The following EHMT1 variants were observed in gnomAD, a reference collection of about 807,000 sequenced individuals.
The protein encoded by EHMT1 is histone-lysine N-methyltransferase EHMT1.
A neutral mutation model predicts 147.2 loss-of-function variants in EHMT1; 15 were observed. That is an observed-to-expected ratio of 0.10 (90% CI 0.07 to 0.16). The LOEUF is 0.16. EHMT1 is among the 10% of genes least tolerant of loss of function. The pLI, the probability that EHMT1 is intolerant of heterozygous loss-of-function variation, is 1.00. For missense variants in EHMT1, 1,587 were observed against 1,772.4 expected, an observed-to-expected ratio of 0.90 and a Z score of 1.88; for synonymous variants, 795 against 709.6, an observed-to-expected ratio of 1.12 and a Z score of -1.91.
chr9:137,829,185 C>G (rs1437564792), intron 25 of EHMT1, among the ~76,000 whole-genome samples: 1 of 152,220 alleles, frequency 6.6e-6, no homozygotes, highest in East Asian at 1.9e-4. Flanking sequence ...ACAGGTTCTT[C>G]TCTGATGCCT....
rs148054400 is a variant in EHMT1 at position 137,739,180 on chromosome 9, G to A, written c.824-4191G>A. Among the ~76,000 whole-genome samples, 1,196 of 151,610 alleles carry A rather than the reference G, an allele frequency of 7.9e-3. 11 individuals are homozygous for A. Among genetic ancestry groups the A allele is most frequent in the Middle Eastern group, 0.02 (6 of 294 alleles). The stretch of plus-strand genomic sequence containing the variant: ...AGGTCAGGAGATCGAGACCATCCTG[G>A]CTAACACGGTGAAACCTCGTCTCTA... On this transcript the variant is annotated intron_variant, in intron 4 of 26. Coordinates refer to ENST00000460843, the MANE Select transcript of EHMT1 (RefSeq NM_024757.5).
intron 25 of EHMT1, among the ~76,000 whole-genome samples, chr9:137,830,392 C>G (rs1004858881): frequency 1.1e-4 from 16 of 152,126 alleles, no homozygotes; most frequent in African/African-American, 3.6e-4. Flanking sequence ...GCCATGGGCT[C>G]TTGACTCACT....
chr9:137,702,024 C>T (rs1225138494), intron 1 of EHMT1, among the ~76,000 whole-genome samples: 4 of 152,136 alleles, frequency 2.6e-5, no homozygotes, highest in East Asian at 1.9e-4. Context: ...GAACTTCTGA[C>T]CTCAGGTGAT....
chr9:137,743,076 G>A (rs1019575000), intron 4 of EHMT1: 64 of 404,146 alleles, frequency 1.6e-4, no homozygotes, highest in African/African-American at 1.3e-3. Flanking sequence ...TGCTACTGAT[G>A]ATTTGTGGCT....
At chr9:137,624,071 C>T in intron 1 of EHMT1, among the ~76,000 whole-genome samples, 1 of 149,570 alleles carries the variant, frequency 6.7e-6, no homozygotes, top group East Asian at 2.0e-4. Context: ...GCCATCTCGG[C>T]TTACTGCAAC....
At chr9:137,634,707 C>CTTTTTTT (rs200814810) in intron 1 of EHMT1, among the ~76,000 whole-genome samples, 1 of 123,492 alleles carries the variant, frequency 8.1e-6, no homozygotes, top group African/African-American at 3.0e-5. Context: ...TTTCTTCTTT[C>CTTTTTTT]TTTTTTTTTT....
In EHMT1 at chr9:137,818,212, G is replaced by T. The variant is rs182880581; in HGVS notation, c.3540+74G>T. 4.3e-4 allele frequency: 647 copies of T among 1,503,950 alleles called. 5 individuals are homozygous for T. In the African/African-American group the frequency reaches 7.9e-3, roughly 18 times the overall value. The allele number at this position is 1,503,950 out of a possible 1,614,324, so 93.2% of individuals were successfully genotyped here. ...AACCTGAATGTGTTTGTCCCAGTAG[G>T]GCTGGGATTCAGAAGAGAGCTCTTA... On this transcript the variant is annotated intron_variant, in intron 25 of 26. Coordinates refer to ENST00000460843, the MANE Select transcript of EHMT1 (RefSeq NM_024757.5).
chr9:137,782,501 G>T lies in EHMT1; in HGVS notation c.2382+104G>T, dbSNP rs549606133. On this transcript the variant is annotated intron_variant, in intron 15 of 26. Transcript: ENST00000460843. The surrounding 1 kb of genome is among the most constrained non-coding windows in gnomAD (Gnocchi z 5.7). ...GCGGTTCTTCCAGTGTAAGAGTTCC[G>T]TAGTGCTGTGAATCGGGCACAGAGT... is the stretch of plus-strand genomic sequence containing the variant. 1.3e-5 allele frequency: 14 copies of T among 1,087,614 alleles called. No homozygotes were observed. The highest frequency in any genetic ancestry group is 1.9e-5 in the Non-Finnish European group (14 of 742,906). The allele number at this position is 1,087,614 out of a possible 1,614,324, so 67.4% of individuals were successfully genotyped here.
intron 3 of EHMT1, among the ~76,000 whole-genome samples, chr9:137,718,786 T>C (rs1433486297): frequency 6.6e-6 from 1 of 151,020 alleles, no homozygotes; most frequent in Non-Finnish European, 1.5e-5. Flanking sequence ...GACGGAGTCT[T>C]GCTCTGTCAC....
At chr9:137,773,664 C>T (rs914438356) in intron 10 of EHMT1, among the ~76,000 whole-genome samples, 3 of 152,160 alleles carry the variant, frequency 2.0e-5, no homozygotes, top group African/African-American at 7.2e-5. Context: ...TTCATGTCTC[C>T]AAGTTGCTTG....
At chr9:137,738,199 A>C (rs12236269) in intron 4 of EHMT1, among the ~76,000 whole-genome samples, 38,365 of 150,856 alleles carry the variant, frequency 0.25, 5,621 homozygotes, top group Admixed American at 0.39. Flanking sequence ...GTCTCAAAAA[A>C]AACAACAACA....
intron 1 of EHMT1, chr9:137,685,419 A>G (rs1422496730): frequency 6.6e-6 from 1 of 152,246 alleles, no homozygotes; most frequent in Non-Finnish European, 1.5e-5. Flanking sequence ...CCCAGGTTGT[A>G]GCAGGTATCA....
At chr9:137,697,113 T>C in intron 1 of EHMT1, 1 of 397,670 alleles carries the variant, frequency 2.5e-6, no homozygotes, top group Non-Finnish European at 5.2e-6. Context: ...AAACCCTGTC[T>C]CTACTAAAAG....
chr9:137,679,348 G>A (rs1275958248), intron 1 of EHMT1, among the ~76,000 whole-genome samples: 2 of 152,140 alleles, frequency 1.3e-5, no homozygotes, highest in Admixed American at 6.5e-5. Context: ...CGGATCAGGG[G>A]ACTGCTGCGA....
At chr9:137,628,623 A>T (rs1367284107) in intron 1 of EHMT1, among the ~76,000 whole-genome samples, 1 of 152,178 alleles carries the variant, frequency 6.6e-6, no homozygotes, top group Admixed American at 6.5e-5. Flanking sequence ...ATTCTTCCGT[A>T]AACTAGAAGC....
intron 1 of EHMT1, among the ~76,000 whole-genome samples, chr9:137,649,021 C>T (rs573789680): frequency 1.3e-5 from 2 of 152,214 alleles, no homozygotes; most frequent in Admixed American, 6.5e-5. Context: ...GTTGTCGTAT[C>T]GTGCTTGAGC....
chr9:137,683,154 T>G (rs1942120655), intron 1 of EHMT1, among the ~76,000 whole-genome samples: 1 of 152,268 alleles, frequency 6.6e-6, no homozygotes, highest in Admixed American at 6.5e-5. Flanking sequence ...TTTAATAGAC[T>G]TTATTAAAAT....
intron 1 of EHMT1, among the ~76,000 whole-genome samples, chr9:137,677,612 A>C (rs1589225254): frequency 6.6e-6 from 1 of 152,120 alleles, no homozygotes; most frequent in African/African-American, 2.4e-5. Flanking sequence ...TTTTTAGTAG[A>C]GACGGGGTTT....
intron 6 of EHMT1, among the ~76,000 whole-genome samples, chr9:137,751,583 C>T (rs1367161317): frequency 6.6e-6 from 1 of 152,192 alleles, no homozygotes; most frequent in Non-Finnish European, 1.5e-5. Context: ...GACGGAGACT[C>T]ACGTATGTTT....
Sources: allele counts gnomAD v4.1 joint callset (sites outside exome capture counted in the v4.1 genomes callset), GRCh38; gene constraint gnomAD v4.1.1; non-coding constraint Gnocchi (gnomAD v3.1); transcripts MANE v1.5; gene names NCBI Gene and HGNC (gene_info 2026-07-23, HGNC 2026-07-21).